SRPK2: variants seen among roughly 807,000 people sequenced by gnomAD.
SRPK2 encodes the protein SRSF protein kinase 2.
SRPK2 carries 21 observed loss-of-function variants against 90.8 expected under a neutral mutation model. The observed-to-expected ratio is 0.23, with a 90% CI of 0.16 to 0.33. SRPK2 has a LOEUF of 0.33. Among genes scored for constraint, SRPK2 ranks in the 10% least tolerant of loss-of-function variants. SRPK2 has a pLI of 1.00. For synonymous variants in SRPK2, 288 were observed against 311.1 expected, an observed-to-expected ratio of 0.93 and a Z score of 0.78; for missense variants, 620 against 869.0, an observed-to-expected ratio of 0.71 and a Z score of 3.60.
At chr7:105,314,414 T>G (rs1414734436) in intron 2 of SRPK2, among the ~76,000 whole-genome samples, 1 of 151,916 alleles carries the variant, frequency 6.6e-6, no homozygotes, top group East Asian at 1.9e-4. Context: ...CAAGACAGAG[T>G]CTTGCTCTGT....
At chr7:105,362,147 C>T (rs951835937) in intron 2 of SRPK2, among the ~76,000 whole-genome samples, 14 of 152,018 alleles carry the variant, frequency 9.2e-5, no homozygotes, top group Non-Finnish European at 1.6e-4. Context: ...TCAAACAACC[C>T]CATCAAAAAG....
chr7:105,261,906 G>C (rs1361331480), intron 2 of SRPK2, among the ~76,000 whole-genome samples: 13 of 152,124 alleles, frequency 8.5e-5, no homozygotes, highest in African/African-American at 3.1e-4. Flanking sequence ...GGAAGGATGG[G>C]AACAGCAAAA....
At chr7:105,369,494 G>A (rs1819468965) in intron 2 of SRPK2, among the ~76,000 whole-genome samples, 1 of 151,994 alleles carries the variant, frequency 6.6e-6, no homozygotes, top group Non-Finnish European at 1.5e-5. Flanking sequence ...ACAAAGTAAG[G>A]CTGAAAAACA....
At chr7:105,196,604 C>T (rs1794944095) in intron 3 of SRPK2, among the ~76,000 whole-genome samples, 1 of 152,190 alleles carries the variant, frequency 6.6e-6, no homozygotes, top group South Asian at 2.1e-4. Flanking sequence ...AAATGGACTC[C>T]CAGGGGTCAA....
chr7:105,213,002 AG>A (rs1797046840), intron 2 of SRPK2, among the ~76,000 whole-genome samples: 1 of 152,240 alleles, frequency 6.6e-6, no homozygotes, highest in Non-Finnish European at 1.5e-5. Context: ...GAAAGTATAT[AG>A]GAGCATGTGC....
At chr7:105,195,303 C>A (rs1794782014) in intron 3 of SRPK2, among the ~76,000 whole-genome samples, 1 of 152,272 alleles carries the variant, frequency 6.6e-6, no homozygotes, top group Admixed American at 6.5e-5. Flanking sequence ...CCCACCTCGG[C>A]CTCCCAAAGT....
downstream of SRPK2, among the ~76,000 whole-genome samples, chr7:105,115,723 C>G (rs1298846684): frequency 6.6e-6 from 1 of 152,088 alleles, no homozygotes. Flanking sequence ...TCATAAGGGA[C>G]ACACCTGTAA....
At chr7:105,395,074 G>C (rs1586041832) in intron 1 of SRPK2, among the ~76,000 whole-genome samples, 1 of 152,308 alleles carries the variant, frequency 6.6e-6, no homozygotes, top group Non-Finnish European at 1.5e-5. Flanking sequence ...TCAGGAGGCT[G>C]AGGGAGGAGA....
At chr7:105,283,808 T>C (rs980718795) in intron 2 of SRPK2, among the ~76,000 whole-genome samples, 4 of 151,886 alleles carry the variant, frequency 2.6e-5, no homozygotes, top group South Asian at 2.1e-4. Context: ...CTAGGTAACA[T>C]GGTGAGACAC....
At position 105,146,481 on chromosome 7, in the gene SRPK2, C is replaced by G; in HGVS notation, c.787+12G>C. 1 of 1,613,280 alleles carries G rather than the reference C, an allele frequency of 6.2e-7. No individual in the cohort carries two copies. The highest frequency in any genetic ancestry group is 8.5e-7 in the Non-Finnish European group (1 of 1,179,524). On this transcript the variant is annotated intron_variant, in intron 8 of 15. Transcript: ENST00000393651. ...CCCCCACACTGAAATGAAGCTGGCT[C>G]AGCTCCCTCACCTGCAGACCCTGAA...
intron 3 of SRPK2, among the ~76,000 whole-genome samples, chr7:105,180,342 A>G (rs918892330): frequency 1.3e-5 from 2 of 152,214 alleles, no homozygotes; most frequent in African/African-American, 4.8e-5. Flanking sequence ...TTCCTAGTCC[A>G]TAAGTGGTGC....
intron 2 of SRPK2, among the ~76,000 whole-genome samples, chr7:105,319,153 T>C (rs1004855422): frequency 2.0e-5 from 3 of 152,190 alleles, no homozygotes; most frequent in African/African-American, 4.8e-5. Flanking sequence ...GAAAAACATA[T>C]GTTCACAGAT....
chr7:105,397,416 G>A (rs558111044), intron 1 of SRPK2, among the ~76,000 whole-genome samples: 2 of 149,122 alleles, frequency 1.3e-5, no homozygotes, highest in South Asian at 2.1e-4. Flanking sequence ...TGCAACCTCC[G>A]CCTCCCAGGT....
chr7:105,164,841 C>T lies in SRPK2; in HGVS notation c.514+2536G>A, dbSNP rs553360111. Among the ~76,000 whole-genome samples, 62 of 152,166 alleles carry T rather than the reference C, an allele frequency of 4.1e-4. No homozygotes were observed. In the South Asian group the frequency reaches 0.012, roughly 30 times the overall value. On this transcript the variant is annotated intron_variant, in intron 6 of 15. Transcript: ENST00000393651. ...TCTGACATTTGTGAAAGTAAAATATCAAAATGGTGGATCTGTTCCAAACAT... is the reference window on the plus strand; with the variant it reads ...TCTGACATTTGTGAAAGTAAAATATTAAAATGGTGGATCTGTTCCAAACAT...
intron 2 of SRPK2, among the ~76,000 whole-genome samples, chr7:105,303,422 C>A (rs1048188188): frequency 6.6e-6 from 1 of 151,730 alleles, no homozygotes; most frequent in Non-Finnish European, 1.5e-5. Context: ...TGTAACAAAC[C>A]TGCACGTTGT....
At chr7:105,340,902 G>A (rs1815693742) in intron 2 of SRPK2, among the ~76,000 whole-genome samples, 1 of 152,142 alleles carries the variant, frequency 6.6e-6, no homozygotes, top group African/African-American at 2.4e-5. Flanking sequence ...CTTTTCTAAT[G>A]AGATATTAAT....
At position 105,314,611 on chromosome 7, in the gene SRPK2, T is replaced by C. The variant is rs533966659; in HGVS notation, c.71+74037A>G. ...GTTGGCCAGGCTGGTCTCAAACTCC[T>C]GACCTCAGGCGATCTGCCCGCCTTA... On this transcript the variant is annotated intron_variant, in intron 2 of 15. Coordinates refer to ENST00000393651, the MANE Select transcript of SRPK2 (RefSeq NM_182692.3). Among the ~76,000 whole-genome samples, 90 of 152,236 alleles carry C rather than the reference T, an allele frequency of 5.9e-4. 1 individual carries two copies. The highest frequency in any genetic ancestry group is 2.0e-3 in the Admixed American group (31 of 15,288).
At chr7:105,337,053 C>T (rs1815178916) in intron 2 of SRPK2, among the ~76,000 whole-genome samples, 1 of 152,092 alleles carries the variant, frequency 6.6e-6, no homozygotes, top group Non-Finnish European at 1.5e-5. Flanking sequence ...CCACCCACCT[C>T]GGCCTCCCAA....
intron 2 of SRPK2, among the ~76,000 whole-genome samples, chr7:105,361,362 A>G (rs995466488): frequency 6.6e-6 from 1 of 152,176 alleles, no homozygotes; most frequent in African/African-American, 2.4e-5. Flanking sequence ...ATGCTCATGG[A>G]TAGGAAGAAT....
Sources: gnomAD v4.1 joint callset for allele counts (sites outside exome capture counted in the v4.1 genomes callset) on GRCh38, gnomAD v4.1.1 for gene constraint, MANE v1.5 for transcripts, NCBI Gene and HGNC (gene_info 2026-07-23, HGNC 2026-07-21) for gene names.